Variants in ATRNL1 observed in about 807,000 individuals in gnomAD.
The protein encoded by ATRNL1 is attractin like 1.
In ATRNL1, 95 loss-of-function variants were observed where a neutral mutation model predicts 182.7. The ratio of observed to expected loss-of-function variants is 0.52; its 90% CI spans 0.44 to 0.62. The LOEUF is 0.62. Among genes scored for constraint, ATRNL1 ranks in the 20% least tolerant of loss-of-function variants. ATRNL1 has a pLI of 0.00. For missense variants in ATRNL1, 1,471 were observed against 1,679.5 expected, an observed-to-expected ratio of 0.88 and a Z score of 2.17; for synonymous variants, 576 against 568.3, an observed-to-expected ratio of 1.01 and a Z score of -0.19.
intron 20 of ATRNL1, among the ~76,000 whole-genome samples, chr10:115,395,413 A>G (rs1328910074): frequency 2.6e-5 from 4 of 151,918 alleles, no homozygotes; most frequent in African/African-American, 9.7e-5. Flanking sequence ...TTAAAGAACA[A>G]TTTTGTAGAG....
intron 21 of ATRNL1, among the ~76,000 whole-genome samples, chr10:115,440,330 C>T (rs1026640790): frequency 2.6e-5 from 4 of 151,792 alleles, no homozygotes; most frequent in Admixed American, 1.3e-4. Flanking sequence ...TATATATGCT[C>T]ATTGGTTCTG....
At chr10:115,480,097 A>G (rs1262884527) in intron 24 of ATRNL1, among the ~76,000 whole-genome samples, 1 of 151,150 alleles carries the variant, frequency 6.6e-6, no homozygotes, top group African/African-American at 2.4e-5. Context: ...CCTTACTAGC[A>G]TTGGTTAAGT....
intron 8 of ATRNL1, among the ~76,000 whole-genome samples, chr10:115,209,689 G>A (rs1488913931): frequency 6.6e-6 from 1 of 151,494 alleles, no homozygotes. Flanking sequence ...AAAAATTCAC[G>A]CATATGCAAA....
chr10:115,273,864 A>C (rs1436549357), intron 13 of ATRNL1, among the ~76,000 whole-genome samples: 3 of 152,108 alleles, frequency 2.0e-5, no homozygotes, highest in Admixed American at 1.3e-4. Context: ...CTTGAGCCTG[A>C]TCATGTATAT....
chr10:115,243,939 C>A (rs953133645), intron 10 of ATRNL1, among the ~76,000 whole-genome samples: 1 of 151,954 alleles, frequency 6.6e-6, no homozygotes, highest in East Asian at 1.9e-4. Flanking sequence ...CTGTTTTATC[C>A]TCCTGGGTTT....
intron 28 of ATRNL1, among the ~76,000 whole-genome samples, chr10:115,918,281 G>C (rs559792082): frequency 6.6e-6 from 1 of 151,910 alleles, no homozygotes; most frequent in East Asian, 1.9e-4. Flanking sequence ...TTTTGTATTT[G>C]TAGTAGAGAC....
intron 27 of ATRNL1, among the ~76,000 whole-genome samples, chr10:115,727,743 C>T (rs782597456): frequency 3.3e-5 from 5 of 152,044 alleles, no homozygotes; most frequent in African/African-American, 4.8e-5. Flanking sequence ...AGAAAAGGTA[C>T]GAGTGGAGAT....
chr10:115,838,205 A>G (rs1555096086), intron 27 of ATRNL1, among the ~76,000 whole-genome samples: 2 of 152,182 alleles, frequency 1.3e-5, no homozygotes, highest in African/African-American at 4.8e-5. Context: ...TCTAGACTTT[A>G]TAGTAAGATT....
chr10:115,884,060 A>G (rs1951888676), intron 28 of ATRNL1, among the ~76,000 whole-genome samples: 1 of 152,232 alleles, frequency 6.6e-6, no homozygotes, highest in South Asian at 2.1e-4. Flanking sequence ...GAGCTGAGGA[A>G]AAATGGAACA....
intron 28 of ATRNL1, among the ~76,000 whole-genome samples, chr10:115,940,084 T>C (rs1285062238): frequency 6.6e-6 from 1 of 152,190 alleles, no homozygotes; most frequent in African/African-American, 2.4e-5. Flanking sequence ...TCAGCCACTT[T>C]CACTTGTGTT....
At chr10:115,496,454 G>C (rs990559234) in intron 24 of ATRNL1, among the ~76,000 whole-genome samples, 1 of 151,898 alleles carries the variant, frequency 6.6e-6, no homozygotes, top group Non-Finnish European at 1.5e-5. Context: ...AGGAATATTT[G>C]GTTTAATTGA....
intron 20 of ATRNL1, among the ~76,000 whole-genome samples, chr10:115,409,804 GAACAA>G (rs1845045122): frequency 6.6e-6 from 1 of 152,118 alleles, no homozygotes; most frequent in African/African-American, 2.4e-5. Context: ...CAAAAATCCT[GAACAA>G]AACAAAAGTG....
At chr10:115,824,854 T>A (rs1950391355) in intron 27 of ATRNL1, among the ~76,000 whole-genome samples, 1 of 152,140 alleles carries the variant, frequency 6.6e-6, no homozygotes, top group South Asian at 2.1e-4. Flanking sequence ...GTGTGGTGAT[T>A]CCTCAAGGAT....
chr10:115,492,446 A>G (rs939860241), intron 24 of ATRNL1, among the ~76,000 whole-genome samples: 4 of 151,642 alleles, frequency 2.6e-5, no homozygotes, highest in African/African-American at 9.7e-5. Flanking sequence ...ATTAATGCTT[A>G]CTTTCATCTT....
At chr10:115,400,876 G>A (rs1844532325) in intron 20 of ATRNL1, among the ~76,000 whole-genome samples, 1 of 151,928 alleles carries the variant, frequency 6.6e-6, no homozygotes, top group East Asian at 1.9e-4. Flanking sequence ...CATACCAACG[G>A]GTCTTGGATC....
intron 28 of ATRNL1, among the ~76,000 whole-genome samples, chr10:115,867,050 A>T (rs1051549182): frequency 2.0e-5 from 3 of 152,200 alleles, no homozygotes; most frequent in Non-Finnish European, 2.9e-5. Flanking sequence ...CTTTACCATA[A>T]TAAGTCTGAA....
chr10:115,573,557 G>C (rs1331379108), intron 26 of ATRNL1, among the ~76,000 whole-genome samples: 1 of 152,080 alleles, frequency 6.6e-6, no homozygotes, highest in East Asian at 1.9e-4. Context: ...ATCCAGGCTT[G>C]AGGGTGGGGT....
intron 9 of ATRNL1, among the ~76,000 whole-genome samples, chr10:115,232,492 C>G (rs1554900238): frequency 6.6e-6 from 1 of 152,034 alleles, no homozygotes; most frequent in African/African-American, 2.4e-5. Context: ...CATTTTATCT[C>G]TCAGATTGTG....
chr10:115,157,681 C>G (rs1001195337), intron 5 of ATRNL1, among the ~76,000 whole-genome samples: 9 of 152,056 alleles, frequency 5.9e-5, no homozygotes, highest in Non-Finnish European at 1.2e-4. Flanking sequence ...ATATTTAGAG[C>G]CAATTTAGAT....
Sources: allele counts gnomAD v4.1 joint callset (sites outside exome capture counted in the v4.1 genomes callset), GRCh38; gene constraint gnomAD v4.1.1; transcripts MANE v1.5; gene names NCBI Gene and HGNC (gene_info 2026-07-23, HGNC 2026-07-21).